The following CCDC190 variants were observed in gnomAD, a reference collection of about 807,000 sequenced individuals.
The protein encoded by CCDC190 is coiled-coil domain-containing protein 190.
Under a neutral mutation model 13.1 loss-of-function variants are expected in CCDC190, and 10 were observed. The observed-to-expected ratio is 0.77, with a 90% CI of 0.47 to 1.30. CCDC190 has a LOEUF of 1.30. CCDC190 is among the 50% of genes most tolerant of loss of function. CCDC190 has a pLI of 0.00. For synonymous variants in CCDC190, 136 were observed against 127.2 expected, an observed-to-expected ratio of 1.07 and a Z score of -0.47; for missense variants, 375 against 354.3, an observed-to-expected ratio of 1.06 and a Z score of -0.47.
Position 162,854,385 on chromosome 1 carries a change from C to T in CCDC190, c.*380G>A. 9.8e-7 allele frequency: 1 copy of T among 1,025,134 alleles called. No homozygotes were observed. The highest frequency in any genetic ancestry group is 4.0e-5 in the South Asian group (1 of 25,290). The allele number at this position is 1,025,134 out of a possible 1,614,324, so 63.5% of individuals were successfully genotyped here. The stretch of plus-strand genomic sequence containing the variant: ...ATTCCTACCACTACTATATATCAAA[C>T]TAAAACAGAGAGAATAGCTATGCCG... On this transcript the variant is annotated 3_prime_UTR_variant, in exon 4 of 4. Transcript: ENST00000367912.
At chr1:162,857,388 A>C (rs190877999) in intron 2 of CCDC190, among the ~76,000 whole-genome samples, 1 of 152,302 alleles carries the variant, frequency 6.6e-6, no homozygotes, top group East Asian at 1.9e-4. Context: ...GTGAACTCTC[A>C]ACTCTTTTGC....
At chr1:162,867,915 T>C (rs923683387) in intron 1 of CCDC190, among the ~76,000 whole-genome samples, 1 of 152,146 alleles carries the variant, frequency 6.6e-6, no homozygotes, top group Middle Eastern at 3.2e-3. Context: ...AGTGGTTGCC[T>C]GGGCTGAGAG....
At chr1:162,856,698 G>C (rs1348109260) in intron 2 of CCDC190, among the ~76,000 whole-genome samples, 1 of 152,194 alleles carries the variant, frequency 6.6e-6, no homozygotes, top group Non-Finnish European at 1.5e-5. Flanking sequence ...AGTTCGGTTA[G>C]TAGGCACTAA....
intron 1 of CCDC190, among the ~76,000 whole-genome samples, 165 bp downstream of exon 1, chr1:162,860,843 C>T (rs1255699960): frequency 6.6e-6 from 1 of 152,220 alleles, no homozygotes; most frequent in East Asian, 1.9e-4. Flanking sequence ...AGGCATGAGC[C>T]ACCACACTCG....
At chr1:162,866,816 G>C (rs1650723850) in intron 1 of CCDC190, among the ~76,000 whole-genome samples, 1 of 151,854 alleles carries the variant, frequency 6.6e-6, no homozygotes, top group Admixed American at 6.6e-5. Context: ...ATTTTAGAAA[G>C]AAACACCAAT....
At position 162,853,086 on chromosome 1, in the gene CCDC190, AGT is replaced by A. The variant is rs1294085512; in HGVS notation, c.*1677_*1678del. 6.5e-7 allele frequency: 1 copy of A among 1,540,450 alleles called. No individual in the cohort carries two copies. Among genetic ancestry groups the A allele is most frequent in the Middle Eastern group, 1.7e-4 (1 of 5,980 alleles). ...TCTGTTGCTTTGCTTCATGGAAGAA[AGT>A]GTTGGAGGAAGCAGATTTCTTGTGT... On this transcript the variant is annotated 3_prime_UTR_variant, in exon 4 of 4. Coordinates refer to ENST00000367912, the MANE Select transcript of CCDC190 (RefSeq NM_001394065.1).
rs372511486 is a variant in CCDC190, at chr1:162,854,986, G to A, written c.685C>T (p.His229Tyr). 107 of 1,614,030 alleles carry A rather than the reference G, an allele frequency of 6.6e-5. No homozygotes were observed. The African/African-American group carries it at 1.3e-3, about 20-fold the overall frequency. ...GNTGKQIPPK[H>Y]MECAGSFEGE... is the part of the protein sequence containing the mutation. ...TCGAAGCTTCCTGCACATTCCATGT[G>A]TTTTGGGGGAATTTGTTTTCCAGTG... The change falls in exon 4 of 4, where the codon CAC becomes TAC. Residue 229 changes from histidine to tyrosine, a missense_variant. By Grantham distance (83) the His-to-Tyr change is moderately conservative (BLOSUM62 2). Transcript: ENST00000367912.
chr1:162,855,331 T>C lies in CCDC190; in HGVS notation c.340A>G (p.Thr114Ala). ...RALATRMAQD[T>A]CKSKSQVPPS... is the part of the protein sequence containing the mutation. ...GGCACCTGGGACTTGCTTTTGCATGTGTCTTGGGCCATACGGGTTGCCAAT... is the reference window on the plus strand; with the variant it reads ...GGCACCTGGGACTTGCTTTTGCATGCGTCTTGGGCCATACGGGTTGCCAAT... The change falls in exon 4 of 4, where the codon ACA (threonine) becomes GCA (alanine). Residue 114 changes from threonine to alanine, a missense_variant. Thr to Ala is a moderately conservative substitution (Grantham distance 58, BLOSUM62 0). Transcript: ENST00000367912. 6.2e-7 allele frequency: 1 copy of C among 1,610,834 alleles called. No individual in the cohort carries two copies. Among genetic ancestry groups the C allele is most frequent in the Non-Finnish European group, 8.5e-7 (1 of 1,179,498 alleles).
At position 162,867,741 on chromosome 1, in the gene CCDC190, A is replaced by G. The variant is rs75705888; in HGVS notation, c.-13+912T>C. Reference sequence around the variant, plus strand: ...TTGTGGTTCATCCATACAATGGAATACCACTCAGCAATAAAAATAACGATA... The same window carrying G: ...TTGTGGTTCATCCATACAATGGAATGCCACTCAGCAATAAAAATAACGATA... On this transcript the variant is annotated intron_variant, in intron 1 of 3. Transcript: ENST00000367910. Among the ~76,000 whole-genome samples, 509 of 152,362 alleles carry G rather than the reference A, an allele frequency of 3.3e-3. 8 individuals carry two copies. The highest frequency in any genetic ancestry group is 0.032 in the East Asian group (167 of 5,188).
intron 2 of CCDC190, among the ~76,000 whole-genome samples, chr1:162,857,161 C>A (rs1357469259): frequency 2.6e-5 from 4 of 152,150 alleles, no homozygotes; most frequent in Admixed American, 2.6e-4. Flanking sequence ...AAAGCTCCGA[C>A]AATTCTACTT....
intron 1 of CCDC190, among the ~76,000 whole-genome samples, chr1:162,866,473 A>G (rs1259472909): frequency 2.0e-5 from 1 of 51,054 alleles, no homozygotes; most frequent in Non-Finnish European, 1.0e-4. Context: ...GAGGAGATAT[A>G]TCATGTTTAT....
chr1:162,859,523 G>A lies in CCDC190; in HGVS notation c.124C>T (p.His42Tyr). The A allele has an allele frequency of 6.2e-7, 1 of 1,613,736 alleles. No homozygotes were observed. The highest frequency in any genetic ancestry group is 8.5e-7 in the Non-Finnish European group (1 of 1,179,802). ...LQRLKVICLY[H>Y]VKLLTWEQRQ... ...TGCTCCCAGGTCAGCAATTTCACAT[G>A]GTAGAGGCAAATAACCTTTAGTCTC... The change falls in exon 2 of 4, where the codon CAT becomes TAT. Residue 42 changes from histidine (H) to tyrosine (Y), a missense_variant. Coordinates refer to ENST00000367912, the MANE Select transcript of CCDC190 (RefSeq NM_001394065.1).
intron 3 of CCDC190, 78 bp downstream of exon 3, chr1:162,855,554 C>T: frequency 6.4e-7 from 1 of 1,571,898 alleles, no homozygotes. Flanking sequence ...AGCATTTCTT[C>T]AGGAAAACAG....
upstream of CCDC190, among the ~76,000 whole-genome samples, chr1:162,864,265 G>A (rs34118895): frequency 0.81 from 122,477 of 152,060 alleles, 51,587 homozygotes; most frequent in Non-Finnish European, 0.94. Context: ...CTAGAATTCT[G>A]TACTCAACAA....
At chr1:162,855,803 A>C in intron 2 of CCDC190, 48 bp from the exon 3 acceptor site, 2 of 1,535,160 alleles carry the variant, frequency 1.3e-6, no homozygotes, top group South Asian at 1.2e-5. Context: ...TGTGTCCTTA[A>C]ATTTTTTATG....
At chr1:162,859,703 T>G in intron 1 of CCDC190, 45 bp from the exon 2 acceptor site, 2 of 1,494,486 alleles carry the variant, frequency 1.3e-6, no homozygotes, top group Non-Finnish European at 1.8e-6. Context: ...AATGGAAGAC[T>G]GGGATACTGA....
At chr1:162,865,118 T>A (rs978438030), upstream of CCDC190, among the ~76,000 whole-genome samples, 5 of 152,040 alleles carry the variant, frequency 3.3e-5, no homozygotes, top group Non-Finnish European at 5.9e-5. Flanking sequence ...GCTATATTTA[T>A]CCCAAATAAA....
At chr1:162,859,743 G>T in intron 1 of CCDC190, 85 bp from the exon 2 acceptor site, 1 of 1,115,404 alleles carries the variant, frequency 9.0e-7, no homozygotes, top group Non-Finnish European at 1.3e-6. Context: ...ATCAGTGGTA[G>T]AACCTGTGTA....
upstream of CCDC190, among the ~76,000 whole-genome samples, chr1:162,861,527 G>GT (rs1650517868): frequency 6.6e-6 from 1 of 151,420 alleles, no homozygotes; most frequent in East Asian, 1.9e-4. Flanking sequence ...AGAAAGCACC[G>GT]TTTTTTCTGT....
Sources: gnomAD v4.1 joint callset for allele counts (sites outside exome capture counted in the v4.1 genomes callset) on GRCh38, gnomAD v4.1.1 for gene constraint, MANE v1.5 for transcripts, NCBI Gene and HGNC (gene_info 2026-07-23, HGNC 2026-07-21) for gene names.